The following PDS5A variants were observed in gnomAD, a reference collection of about 807,000 sequenced individuals.
PDS5A encodes the protein sister chromatid cohesion protein PDS5 homolog A.
Under a neutral mutation model 167.1 loss-of-function variants are expected in PDS5A, and 42 were observed. The ratio of observed to expected loss-of-function variants is 0.25; its 90% CI spans 0.20 to 0.33. The LOEUF is 0.33. Among genes scored for constraint, PDS5A ranks in the 10% least tolerant of loss-of-function variants. PDS5A has a pLI of 1.00. For synonymous variants in PDS5A, 553 were observed against 554.6 expected (o/e 1.00, Z 0.04); for missense variants, 1,033 against 1,605.9 (o/e 0.64, Z 6.10).
At chr4:39,942,993 T>G (rs1727363679) in intron 2 of PDS5A, among the ~76,000 whole-genome samples, 1 of 152,058 alleles carries the variant, frequency 6.6e-6, no homozygotes, top group Non-Finnish European at 1.5e-5. Context: ...CACTAAGACA[T>G]ATGTACAAGG....
At chr4:39,915,698 A>G (rs1175960002) in intron 8 of PDS5A, among the ~76,000 whole-genome samples, 2 of 152,150 alleles carry the variant, frequency 1.3e-5, no homozygotes, top group Admixed American at 1.3e-4. Flanking sequence ...CTCAAGCAAA[A>G]TGACAATAAT....
chr4:39,945,417 C>A (rs986992188), intron 2 of PDS5A, among the ~76,000 whole-genome samples: 1 of 143,074 alleles, frequency 7.0e-6, no homozygotes, highest in African/African-American at 2.6e-5. Context: ...GCAGAGATCA[C>A]GCCATTGCAC....
At chr4:39,944,704 AAAAAAAAC>A (rs1416105475) in intron 2 of PDS5A, among the ~76,000 whole-genome samples, 2 of 151,774 alleles carry the variant, frequency 1.3e-5, no homozygotes, top group Non-Finnish European at 2.9e-5. Flanking sequence ...CAAAAAAAAA[AAAAAAAAC>A]AAAAAGCTGA....
intron 17 of PDS5A, among the ~76,000 whole-genome samples, chr4:39,881,647 C>T (rs1397750961): frequency 1.3e-5 from 2 of 152,098 alleles, no homozygotes; most frequent in African/African-American, 4.8e-5. Flanking sequence ...TAGAACATCC[C>T]ATCACTATCC....
intron 2 of PDS5A, among the ~76,000 whole-genome samples, chr4:39,954,366 A>T (rs1166459277): frequency 6.6e-6 from 1 of 151,952 alleles, no homozygotes; most frequent in East Asian, 1.9e-4. Context: ...TCTCTTAAAA[A>T]AACAAAACAT....
At chr4:39,877,208 A>G (rs754797635) in intron 18 of PDS5A, 55 bp from the exon 19 acceptor site, 1 of 1,148,634 alleles carries the variant, frequency 8.7e-7, no homozygotes, top group Admixed American at 2.6e-5. Flanking sequence ...ATCCATTAAA[A>G]AAGAATTACT....
At chr4:39,966,974 A>G (rs1170782014) in intron 2 of PDS5A, among the ~76,000 whole-genome samples, 1 of 148,668 alleles carries the variant, frequency 6.7e-6, no homozygotes, top group Non-Finnish European at 1.5e-5. Context: ...CCAGCCTGGG[A>G]AACAAGAGTG....
intron 2 of PDS5A, among the ~76,000 whole-genome samples, chr4:39,957,435 AC>A (rs1729028509): frequency 1.3e-5 from 2 of 152,144 alleles, no homozygotes; most frequent in Non-Finnish European, 1.5e-5. Flanking sequence ...CGGCTTTCAC[AC>A]CTATTGTCAG....
At chr4:39,921,300 G>A (rs1724937575) in intron 6 of PDS5A, among the ~76,000 whole-genome samples, 1 of 152,084 alleles carries the variant, frequency 6.6e-6, no homozygotes, top group African/African-American at 2.4e-5. Context: ...ACATAAATAA[G>A]CAATAGTCCA....
chr4:39,932,205 T>C (rs1009326775), intron 2 of PDS5A, among the ~76,000 whole-genome samples: 3 of 152,168 alleles, frequency 2.0e-5, no homozygotes, highest in African/African-American at 7.2e-5. Flanking sequence ...TGTGACTTAT[T>C]TTGGCCAAAC....
At chr4:39,967,310 G>T (rs916665387) in intron 2 of PDS5A, among the ~76,000 whole-genome samples, 1 of 149,294 alleles carries the variant, frequency 6.7e-6, no homozygotes, top group African/African-American at 2.5e-5. Flanking sequence ...ATCTCAAAAA[G>T]AAAAGAAAAG....
At chr4:39,867,068 T>C (rs146831193) in intron 22 of PDS5A, 71 bp from the exon 23 acceptor site, 20 of 1,236,522 alleles carry the variant, frequency 1.6e-5, no homozygotes, top group Middle Eastern at 4.2e-4. Context: ...TTAATTTAAT[T>C]AGATTAATGA....
chr4:39,826,519 C>T (rs1715342054), intron 32 of PDS5A, among the ~76,000 whole-genome samples: 1 of 80,192 alleles, frequency 1.2e-5, no homozygotes, highest in Admixed American at 1.3e-4. Flanking sequence ...TGGAGTCTCG[C>T]TCTGTTGCCA....
At chr4:39,889,331 C>T (rs550031387) in intron 17 of PDS5A, among the ~76,000 whole-genome samples, 1 of 152,334 alleles carries the variant, frequency 6.6e-6, no homozygotes, top group Non-Finnish European at 1.5e-5. Context: ...ACCTCCAGAA[C>T]TGTGAGAAAA....
chr4:39,837,562 C>T (rs749144896), intron 32 of PDS5A: 43 of 297,606 alleles, frequency 1.4e-4, no homozygotes, highest in Non-Finnish European at 2.3e-4. Context: ...CCTCTGCAAC[C>T]ACTTGAAAGG....
chr4:39,973,815 T>C, intron 2 of PDS5A: 1 of 1,201,188 alleles, frequency 8.3e-7, no homozygotes, highest in Non-Finnish European at 1.2e-6. Flanking sequence ...TCATGGCAGC[T>C]ATTCCACAGA....
Position 39,925,887 on chromosome 4 carries a change from T to C in PDS5A, c.476A>G (p.Asp159Gly). 6.6e-7 allele frequency: 1 copy of C among 1,516,212 alleles called. No homozygotes were observed. Among genetic ancestry groups the C allele is most frequent in the Non-Finnish European group, 9.0e-7 (1 of 1,108,468 alleles). 93.9% of individuals were successfully genotyped at this position (1,516,212 alleles called of 1,614,324 possible). The change falls in exon 5 of 33, where the codon GAT becomes GGT. Residue 159 changes from aspartate to glycine, a missense_variant. By Grantham distance (94) the Asp-to-Gly change is moderately conservative (BLOSUM62 -1). This residue lies in a region of PDS5A where 388 missense variants were observed against 615.1 expected (regional missense o/e 0.63). Coordinates refer to ENST00000303538, the MANE Select transcript of PDS5A (RefSeq NM_001100399.2). ...KSYNICFELEDCNEIFIQLFR... is the reference protein window; with the variant it reads ...KSYNICFELEGCNEIFIQLFR... The stretch of plus-strand genomic sequence containing the variant: ...AAGCTGAATAAAAATTTCATTGCAA[T>C]CTTCCAATTCAAAGCAGATGTTATA...
chr4:39,927,931 A>G, intron 3 of PDS5A, 30 bp downstream of exon 3: 1 of 1,499,006 alleles, frequency 6.7e-7, no homozygotes, highest in South Asian at 1.1e-5. Context: ...TGAATGAAAA[A>G]TACAATAAAG....
chr4:39,917,288 T>G (rs1724480092), intron 7 of PDS5A, 100 bp from the exon 8 acceptor site: 5 of 720,138 alleles, frequency 6.9e-6, no homozygotes, highest in Admixed American at 3.9e-5. Context: ...AATTAGGTAT[T>G]ACATATACAA....
Sources: gnomAD v4.1 joint callset for allele counts (sites outside exome capture counted in the v4.1 genomes callset) on GRCh38, gnomAD v4.1.1 for gene constraint, gnomAD v4.1.1 regional missense constraint, MANE v1.5 for transcripts, NCBI Gene and HGNC (gene_info 2026-07-23, HGNC 2026-07-21) for gene names.